PRDX5: variants seen among roughly 807,000 people sequenced by gnomAD.
PRDX5 encodes peroxiredoxin 5.
A neutral mutation model predicts 23.8 loss-of-function variants in PRDX5; 21 were observed. That is an observed-to-expected ratio of 0.88 (90% confidence interval 0.63 to 1.27). PRDX5 has a LOEUF of 1.27. Among genes scored for constraint, PRDX5 ranks in the 50% most tolerant of loss-of-function variants. The pLI is 0.00. For missense variants in PRDX5, 261 were observed against 270.6 expected, an observed-to-expected ratio of 0.96 and a Z score of 0.25; for synonymous variants, 111 against 113.3, an observed-to-expected ratio of 0.98 and a Z score of 0.13.
chr11:64,318,398 C>T lies in PRDX5; in HGVS notation c.171+12C>T. On this transcript the variant is annotated intron_variant, in intron 1 of 5. Coordinates refer to ENST00000265462, the MANE Select transcript of PRDX5 (RefSeq NM_012094.5). ...TGGCCCCAATCAAGGTGACCGCTGG[C>T]CCGGCCGGGCCTGACATCCCCCACT... 1 of 1,596,692 alleles carries T rather than the reference C, an allele frequency of 6.3e-7. No individual in the cohort carries two copies. Among genetic ancestry groups the T allele is most frequent in the Non-Finnish European group, 8.5e-7 (1 of 1,173,212 alleles).
chr11:64,320,851 T>C lies in PRDX5; in HGVS notation c.439-14T>C. On this transcript the variant is annotated splice_polypyrimidine_tract_variant and intron_variant, in intron 3 of 5. Coordinates refer to ENST00000265462, the MANE Select transcript of PRDX5 (RefSeq NM_012094.5). ...GGTAGGATATTCTTCTTGTGACCTT[T>C]ACTTTCTCTGCAGGTTCGGCTCCTG... 1.2e-6 allele frequency: 2 copies of C among 1,614,206 alleles called. No homozygotes were observed. Among genetic ancestry groups the C allele is most frequent in the Non-Finnish European group, 8.5e-7 (1 of 1,180,030 alleles).
At position 64,320,806 on chromosome 11, in the gene PRDX5, C is replaced by T. The variant is rs758051551; in HGVS notation, c.438+14C>T. 13 of 1,614,144 alleles carry T rather than the reference C, an allele frequency of 8.1e-6. No homozygotes were observed. The highest frequency in any genetic ancestry group is 1.0e-5 in the Non-Finnish European group (12 of 1,180,010). ...GCGGAAGGCAAGGTGAGGTGAGGGG[C>T]CTGCAGGGAGTCAGGACCAGGTAGG... is the stretch of plus-strand genomic sequence containing the variant. On this transcript the variant is annotated intron_variant, in intron 3 of 5. Coordinates refer to ENST00000265462, the MANE Select transcript of PRDX5 (RefSeq NM_012094.5).
intron 1 of PRDX5, among the ~76,000 whole-genome samples, chr11:64,318,665 ATC>A (rs1272311125): frequency 6.6e-6 from 1 of 151,696 alleles, no homozygotes; most frequent in African/African-American, 2.4e-5. Context: ...CAGTGACGCA[ATC>A]TCTGCTCACT....
intron 5 of PRDX5, 35 bp downstream of exon 5, chr11:64,321,103 CTG>C (rs2035485428): frequency 7.4e-7 from 1 of 1,359,300 alleles, no homozygotes; most frequent in African/African-American, 1.4e-5. Flanking sequence ...AGAGAGTCCT[CTG>C]TGGGAGAGAG....
chr11:64,319,006 C>T (rs1355174458), intron 1 of PRDX5, among the ~76,000 whole-genome samples: 1 of 151,972 alleles, frequency 6.6e-6, no homozygotes, highest in African/African-American at 2.4e-5. Context: ...TGGCGAATTC[C>T]CACCTTTCTG....
chr11:64,321,483 C>A, intron 5 of PRDX5, 103 bp from the exon 6 acceptor site: 4 of 1,528,852 alleles, frequency 2.6e-6, no homozygotes, highest in East Asian at 2.3e-5. Context: ...TGGGGGGAGT[C>A]CTCTCTGGAG....
Position 64,321,688 on chromosome 11 carries a change from C to T in PRDX5, c.642C>T (p.Leu214=), listed in dbSNP as rs1047143. The change falls in exon 6 of 6, where the codon CTC becomes CTT. Residue 214 remains leucine (L), a synonymous_variant. Transcript: ENST00000265462. ...CSLAPNIISQ[L] Reference sequence around the variant, plus strand: ...TGGCACCCAATATCATCTCACAGCTCTGAGGCCCTGGGCCAGATTACTTCC... The same window carrying T: ...TGGCACCCAATATCATCTCACAGCTTTGAGGCCCTGGGCCAGATTACTTCC... 6.4e-7 allele frequency: 1 copy of T among 1,570,780 alleles called. No individual in the cohort carries two copies. Among genetic ancestry groups the T allele is most frequent in the East Asian group, 2.4e-5 (1 of 42,538 alleles).
Position 64,318,332 on chromosome 11 carries a change from G to A in PRDX5, c.117G>A (p.Ala39=). Residue 39 remains alanine, a synonymous_variant, in exon 1 of 6, where the codon GCG becomes GCA. Transcript: ENST00000265462. The part of the protein sequence containing the change: ...AARRYSEGEW[A]SGGVRSFSRA... ...GACGGTACAGTGAAGGAGAGTGGGC[G>A]TCTGGCGGGGTCCGCAGTTTCAGCA... 1.2e-6 allele frequency: 2 copies of A among 1,612,362 alleles called. No homozygotes were observed. Among genetic ancestry groups the A allele is most frequent in the Non-Finnish European group, 1.7e-6 (2 of 1,179,680 alleles).
At position 64,318,269 on chromosome 11, in the gene PRDX5, C is replaced by T. The variant is rs760310200; in HGVS notation, c.54C>T (p.Val18=). The T allele has an allele frequency of 2.0e-5, 33 of 1,612,282 alleles. No homozygotes were observed. Among genetic ancestry groups the T allele is most frequent in the Non-Finnish European group, 2.5e-5 (29 of 1,179,912 alleles). The change falls in exon 1 of 6, where the codon GTC becomes GTT. Residue 18 remains valine (V), a synonymous_variant. Transcript: ENST00000265462. The part of the protein sequence containing the change: ...ALRRSAGYIL[V]GGAGGQSAAA... ...GACGCTCAGCGGGCTATATACTCGT[C>T]GGTGGGGCCGGCGGTCAGTCTGCGG... is the stretch of plus-strand genomic sequence containing the variant.
rs1299391843 is a variant in PRDX5, at chr11:64,320,721, G to T, written c.367G>T (p.Val123Leu). ...TCTGAAGGCCAAGGGAGTCCAGGTGGTGGCCTGTCTGAGTGTTAATGATGC... is the reference window on the plus strand; with the variant it reads ...TCTGAAGGCCAAGGGAGTCCAGGTGTTGGCCTGTCTGAGTGTTAATGATGC... ...EALKAKGVQV[V>L]ACLSVNDAFV... is the part of the protein sequence containing the mutation. The change falls in exon 3 of 6, where the codon GTG becomes TTG. Residue 123 changes from valine (V) to leucine (L), a missense_variant. Val to Leu is a conservative substitution (Grantham distance 32). Transcript: ENST00000265462. The T allele has an allele frequency of 6.2e-7, 1 of 1,613,894 alleles. No homozygotes were observed. Among genetic ancestry groups the T allele is most frequent in the South Asian group, 1.1e-5 (1 of 91,076 alleles).
At chr11:64,318,483 A>G (rs1219034209) in intron 1 of PRDX5, 97 bp downstream of exon 1, 8 of 1,446,632 alleles carry the variant, frequency 5.5e-6, no homozygotes, top group Non-Finnish European at 6.5e-6. Context: ...CCTGCCTGCC[A>G]GACCCCTCCC....
intron 5 of PRDX5, 108 bp from the exon 6 acceptor site, chr11:64,321,462 AGAGTCCTCTGTGGGGG>A: frequency 6.9e-7 from 1 of 1,459,854 alleles, no homozygotes; most frequent in Non-Finnish European, 9.2e-7. Flanking sequence ...TCTGTGGGGG[AGAGTCCTCTGTGGGGG>A]GAGTCCTCTC....
chr11:64,321,518 C>G (rs2035499981), intron 5 of PRDX5, 68 bp from the exon 6 acceptor site: 1 of 1,577,610 alleles, frequency 6.3e-7, no homozygotes, highest in South Asian at 1.2e-5. Context: ...TGGCTGTTCA[C>G]TGCCTGTCTC....
At chr11:64,319,583 G>A in intron 1 of PRDX5, 151 bp from the exon 2 acceptor site, 1 of 1,042,072 alleles carries the variant, frequency 9.6e-7, no homozygotes, top group East Asian at 2.4e-5. Context: ...AGCGGGCAGG[G>A]AGGGCCCTTG....
At position 64,321,005 on chromosome 11, in the gene PRDX5, A is replaced by C. The variant is rs754868805; in HGVS notation, c.478-2A>C. 2 of 1,614,150 alleles carry C rather than the reference A, an allele frequency of 1.2e-6. No homozygotes were observed. Among genetic ancestry groups the C allele is most frequent in the South Asian group, 2.2e-5 (2 of 91,084 alleles). On this transcript the variant is annotated splice_acceptor_variant, in intron 4 of 5. Transcript: ENST00000265462. LOFTEE classifies it high-confidence loss of function. The stretch of plus-strand genomic sequence containing the variant: ...CTGACACTTTTCTCTGTCTCTTCTT[A>C]GGAGACAGACTTATTACTAGATGAT...
rs1020416330 is a variant in PRDX5 at position 64,321,496 on chromosome 11, C to T, written c.540-90C>T. ...TGTGGGGGGAGTCCTCTCTGGAGTTCTCTTGGGCCCCTGGCTGTTCACTGC... is the reference window on the plus strand; with the variant it reads ...TGTGGGGGGAGTCCTCTCTGGAGTTTTCTTGGGCCCCTGGCTGTTCACTGC... On this transcript the variant is annotated intron_variant, in intron 5 of 5. Coordinates refer to ENST00000265462, the MANE Select transcript of PRDX5 (RefSeq NM_012094.5). 1.9e-6 allele frequency: 3 copies of T among 1,550,390 alleles called. No homozygotes were observed. In the African/African-American group the frequency reaches 4.1e-5, roughly 21 times the overall value.
intron 2 of PRDX5, 49 bp from the exon 3 acceptor site, chr11:64,320,612 G>A (rs781686725): frequency 5.2e-6 from 8 of 1,542,524 alleles, no homozygotes; most frequent in Non-Finnish European, 7.0e-6. Context: ...GGTGGGCTGG[G>A]GGTCAGATGC....
chr11:64,318,231 G>A lies in PRDX5; in HGVS notation c.16G>A (p.Val6Met). The A allele has an allele frequency of 1.2e-6, 2 of 1,611,830 alleles. No homozygotes were observed. Among genetic ancestry groups the A allele is most frequent in the Non-Finnish European group, 1.7e-6 (2 of 1,179,830 alleles). Reference protein sequence around the residue: MGLAGVCALRRSAGYI... With the variant: MGLAGMCALRRSAGYI... ...TGGGGCGGGTATGGGACTAGCTGGC[G>A]TGTGCGCCCTGAGACGCTCAGCGGG... Residue 6 changes from valine (V) to methionine (M), a missense_variant, in exon 1 of 6, where the codon GTG becomes ATG. Coordinates refer to ENST00000265462, the MANE Select transcript of PRDX5 (RefSeq NM_012094.5).
At chr11:64,320,008 G>C in intron 2 of PRDX5, 140 bp downstream of exon 2, 1 of 1,258,840 alleles carries the variant, frequency 7.9e-7, no homozygotes, top group East Asian at 2.6e-5. Context: ...AGCTGGGCGC[G>C]GTGGCTCACG....
Sources: allele counts gnomAD v4.1 joint callset (sites outside exome capture counted in the v4.1 genomes callset), GRCh38; gene constraint gnomAD v4.1.1; transcripts MANE v1.5; gene names NCBI Gene and HGNC (gene_info 2026-07-23, HGNC 2026-07-21).